Variants in NACC2 observed in about 807,000 individuals in gnomAD.
NACC2 encodes nucleus accumbens-associated protein 2.
Under a neutral mutation model 25.1 loss-of-function variants are expected in NACC2, and 8 were observed. The observed-to-expected ratio is 0.32, with a 90% CI of 0.19 to 0.57. NACC2 has a LOEUF of 0.57. Ranked by LOEUF, NACC2 falls within the 20% of genes least tolerant of loss-of-function variation. The pLI is 0.89. For missense variants in NACC2, 644 were observed against 650.2 expected (o/e 0.99, Z 0.10); for synonymous variants, 435 against 294.7 (o/e 1.48, Z -4.88).
chr9:136,082,440 C>T (rs1450397700), intron 1 of NACC2, among the ~76,000 whole-genome samples: 1 of 152,182 alleles, frequency 6.6e-6, no homozygotes, highest in African/African-American at 2.4e-5. Context: ...GTGCACAGGG[C>T]CGAGCTGATG....
intron 1 of NACC2, among the ~76,000 whole-genome samples, chr9:136,068,719 T>C (rs938320237): frequency 1.3e-5 from 2 of 151,528 alleles, no homozygotes; most frequent in East Asian, 1.9e-4. Flanking sequence ...TCAATAAAGA[T>C]GTCATTTCAA....
chr9:136,032,945 G>A (rs1840495023), intron 2 of NACC2, among the ~76,000 whole-genome samples: 1 of 150,992 alleles, frequency 6.6e-6, no homozygotes, highest in African/African-American at 2.4e-5. Context: ...TAGAACTCTG[G>A]AGGCAGAGGT....
At chr9:136,054,212 G>C (rs912445982) in intron 1 of NACC2, among the ~76,000 whole-genome samples, 2 of 152,222 alleles carry the variant, frequency 1.3e-5, no homozygotes, top group African/African-American at 2.4e-5. Flanking sequence ...GCCCAGCCCA[G>C]TTCGGCCTGC....
rs556147673 is a variant in NACC2 at position 136,020,335 on chromosome 9, G to A, written c.887-3906C>T. Among the ~76,000 whole-genome samples the A allele has an allele frequency of 2.6e-5, 4 of 152,162 alleles. No individual in the cohort carries two copies. The highest frequency in any genetic ancestry group is 5.9e-5 in the Non-Finnish European group (4 of 68,020). On this transcript the variant is annotated intron_variant, in intron 2 of 5. Transcript: ENST00000277554. The surrounding 1 kb of genome is among the most constrained non-coding windows in gnomAD (Gnocchi z 4.7). ...ACGTCCTCACCAGGCAAAACACCCC[G>A]AGATCCCTGCCCACGGGCCAACACC...
intron 2 of NACC2, among the ~76,000 whole-genome samples, chr9:136,027,915 A>G (rs780789333): frequency 3.3e-5 from 5 of 152,152 alleles, no homozygotes; most frequent in African/African-American, 1.2e-4. Flanking sequence ...AAAGACAAAT[A>G]TAATGGAAAC....
chr9:136,011,881 G>T lies in NACC2; in HGVS notation c.1399C>A (p.Arg467Ser). 1 of 1,572,142 alleles carries T rather than the reference G, an allele frequency of 6.4e-7. No homozygotes were observed. The highest frequency in any genetic ancestry group is 2.4e-5 in the East Asian group (1 of 42,280). The change falls in exon 6 of 6, where the codon CGC (arginine) becomes AGC (serine). Residue 467 changes from arginine to serine, a missense_variant. Coordinates refer to ENST00000277554, the MANE Select transcript of NACC2 (RefSeq NM_144653.5). ...SMLPEGVEMYRTVMGSAAASV... is the reference protein window; with the variant it reads ...SMLPEGVEMYSTVMGSAAASV... The stretch of plus-strand genomic sequence containing the variant: ...GCGGCGGCGGAGCCCATGACCGTGC[G>T]GTACATCTCCACGCCCTCCGGCAGC...
At chr9:136,016,707 C>T (rs575457874) in intron 2 of NACC2, among the ~76,000 whole-genome samples, 5 of 152,262 alleles carry the variant, frequency 3.3e-5, no homozygotes, top group South Asian at 4.1e-4. Flanking sequence ...GAGAGATGCC[C>T]GCTCAGGCCC....
At chr9:136,025,219 C>T (rs750604904) in intron 2 of NACC2, among the ~76,000 whole-genome samples, 4 of 152,122 alleles carry the variant, frequency 2.6e-5, no homozygotes, top group Admixed American at 6.6e-5. Context: ...AATGTGGGCA[C>T]GGGCGCTGCT....
At chr9:136,034,055 T>G (rs1840516349) in intron 2 of NACC2, among the ~76,000 whole-genome samples, 1 of 151,836 alleles carries the variant, frequency 6.6e-6, no homozygotes, top group East Asian at 1.9e-4. Context: ...TTTAGAAAGA[T>G]TCAGAAAAAA....
intron 1 of NACC2, among the ~76,000 whole-genome samples, chr9:136,081,979 G>A (rs72773721): frequency 0.033 from 4,970 of 152,196 alleles, 124 homozygotes; most frequent in Admixed American, 0.058. Flanking sequence ...TGGAGCTGAC[G>A]CGAGAGCCAG....
intron 2 of NACC2, among the ~76,000 whole-genome samples, chr9:136,032,320 G>A (rs1249393102): frequency 6.6e-6 from 1 of 152,130 alleles, no homozygotes; most frequent in Non-Finnish European, 1.5e-5. Flanking sequence ...GGCAGCAGAG[G>A]AAAACCACAG....
At chr9:136,038,651 T>A (rs983681071) in intron 2 of NACC2, among the ~76,000 whole-genome samples, 2,937 of 152,364 alleles carry the variant, frequency 0.019, 95 homozygotes, top group African/African-American at 0.067. Context: ...GATTACTTTA[T>A]GGTAAAAATT....
At chr9:136,039,417 C>T (rs1290236782) in intron 2 of NACC2, among the ~76,000 whole-genome samples, 1 of 152,172 alleles carries the variant, frequency 6.6e-6, no homozygotes, top group Non-Finnish European at 1.5e-5. Flanking sequence ...ACAAGTTTAT[C>T]AAACACTTCA....
At chr9:136,031,817 T>G (rs991731569) in intron 2 of NACC2, among the ~76,000 whole-genome samples, 5 of 152,240 alleles carry the variant, frequency 3.3e-5, no homozygotes, top group Admixed American at 6.5e-5. Flanking sequence ...TGGCCACTCA[T>G]GGAACCGATT....
chr9:136,028,157 AG>A (rs1156962805), intron 2 of NACC2, among the ~76,000 whole-genome samples: 1 of 150,448 alleles, frequency 6.6e-6, no homozygotes, highest in Non-Finnish European at 1.5e-5. Flanking sequence ...GCTACTTGAG[AG>A]GCTGAGTGGC....
rs559808686 is a variant in NACC2 at position 136,024,040 on chromosome 9, A to T, written c.887-7611T>A. 2.6e-5 allele frequency among the ~76,000 whole-genome samples: 4 copies of T among 152,138 alleles called. No homozygotes were observed. The East Asian group carries it at 7.7e-4, about 29-fold the overall frequency. On this transcript the variant is annotated intron_variant, in intron 2 of 5. Coordinates refer to ENST00000277554, the MANE Select transcript of NACC2 (RefSeq NM_144653.5). ...AGCTGTGAGTTCCTCTGGGAGACAG[A>T]GTGTGTGGGGACAGCGTGTGTGTGT...
intron 2 of NACC2, among the ~76,000 whole-genome samples, chr9:136,017,297 G>A (rs913682251): frequency 6.6e-6 from 1 of 152,174 alleles, no homozygotes; most frequent in South Asian, 2.1e-4. Flanking sequence ...GGGCCACACA[G>A]CCCATGGTGC....
chr9:136,064,818 A>C (rs1200069715), intron 1 of NACC2, among the ~76,000 whole-genome samples: 1 of 152,240 alleles, frequency 6.6e-6, no homozygotes, highest in Non-Finnish European at 1.5e-5. Context: ...AATTTCTGCT[A>C]TAAAGCTACT....
intron 1 of NACC2, among the ~76,000 whole-genome samples, chr9:136,060,737 G>A (rs1000886987): frequency 5.9e-5 from 9 of 152,184 alleles, no homozygotes; most frequent in African/African-American, 1.7e-4. Context: ...CGGTGAGCAC[G>A]GAGCCATCAG....
Sources: allele counts gnomAD v4.1 joint callset (sites outside exome capture counted in the v4.1 genomes callset), GRCh38; gene constraint gnomAD v4.1.1; non-coding constraint Gnocchi (gnomAD v3.1); transcripts MANE v1.5; gene names NCBI Gene and HGNC (gene_info 2026-07-23, HGNC 2026-07-21).